NFATC1: variants seen among roughly 807,000 people sequenced by gnomAD.
NFATC1 encodes the protein nuclear factor of activated T cells 1, also known as nuclear factor of activated T-cells, cytoplasmic 1.
In NFATC1, 22 loss-of-function variants were observed where a neutral mutation model predicts 76.0. That is an observed-to-expected ratio of 0.29 (90% CI 0.21 to 0.41). The LOEUF is 0.41. Among genes scored for constraint, NFATC1 ranks in the 10% least tolerant of loss-of-function variants. NFATC1 has a pLI of 1.00. For synonymous variants in NFATC1, 704 were observed against 613.1 expected (o/e 1.15, Z -2.19); for missense variants, 1,357 against 1,337.7 (o/e 1.01, Z -0.23).
At chr18:79,473,767 C>T (rs1286028062) in intron 8 of NFATC1, among the ~76,000 whole-genome samples, 5 of 148,282 alleles carry the variant, frequency 3.4e-5, no homozygotes, top group African/African-American at 1.3e-4. Context: ...AGTGTATTCT[C>T]ACGCTGTCGA....
intron 9 of NFATC1, among the ~76,000 whole-genome samples, chr18:79,490,706 C>G (rs982845396): frequency 6.6e-6 from 1 of 152,126 alleles, no homozygotes; most frequent in Non-Finnish European, 1.5e-5. Flanking sequence ...TGGATGGAGC[C>G]GTAGATGGGT....
At chr18:79,407,487 CCAGGCTGGAGTG>C (rs1489460853) in intron 1 of NFATC1, among the ~76,000 whole-genome samples, 1 of 152,186 alleles carries the variant, frequency 6.6e-6, no homozygotes, top group African/African-American at 2.4e-5. Context: ...GCTGTGTCGC[CCAGGCTGGAGTG>C]CAGGCTGGAG....
At chr18:79,515,517 C>G (rs371076266) in intron 9 of NFATC1, among the ~76,000 whole-genome samples, 1 of 151,816 alleles carries the variant, frequency 6.6e-6, no homozygotes, top group Admixed American at 6.6e-5. Context: ...GCAGCCTGGC[C>G]GGGGACCAGG....
intron 2 of NFATC1, among the ~76,000 whole-genome samples, chr18:79,429,605 G>A (rs2086520313): frequency 1.3e-5 from 2 of 152,178 alleles, no homozygotes; most frequent in South Asian, 4.1e-4. Flanking sequence ...GGGGTGGAGA[G>A]CAGGCAGCAG....
At chr18:79,467,346 G>T in intron 7 of NFATC1, 104 bp from the exon 8 acceptor site, 1 of 1,160,426 alleles carries the variant, frequency 8.6e-7, no homozygotes, top group Middle Eastern at 3.0e-4. Context: ...CGGGGTTGCC[G>T]TGTGGCCGCC....
At chr18:79,527,489 T>C (rs1318652609) in intron 9 of NFATC1, 39 bp from the exon 10 acceptor site, 1 of 1,551,726 alleles carries the variant, frequency 6.4e-7, no homozygotes, top group Non-Finnish European at 8.9e-7. Flanking sequence ...ATGTTTATGG[T>C]ATTTCTCTAA....
In NFATC1 at chr18:79,437,147, C is replaced by T. The variant is rs1039088538; in HGVS notation, c.1386+3409C>T. Among the ~76,000 whole-genome samples the T allele has an allele frequency of 3.9e-5, 6 of 152,322 alleles. No individual in the cohort carries two copies. The South Asian group carries it at 6.2e-4, about 16-fold the overall frequency. On this transcript the variant is annotated intron_variant, in intron 3 of 9. Transcript: ENST00000427363. ...GTCCCTGCGGGGTCTGGCGGGACCT[C>T]GGCCATGGTGATGGGTGCGCCCCCT...
chr18:79,470,032 C>T, intron 8 of NFATC1: 4 of 984,066 alleles, frequency 4.1e-6, no homozygotes, highest in Non-Finnish European at 4.8e-6. Context: ...TATCCGTGTT[C>T]CGTCCCGCGT....
chr18:79,440,224 T>C (rs1021626995), intron 3 of NFATC1, among the ~76,000 whole-genome samples: 5 of 152,108 alleles, frequency 3.3e-5, no homozygotes, highest in African/African-American at 9.7e-5. Context: ...TTTGGGAAAA[T>C]TTAAGATGAC....
At chr18:79,467,057 T>TGGCTTCTTTCCCC (rs950708086) in intron 7 of NFATC1, among the ~76,000 whole-genome samples, 3 of 152,264 alleles carry the variant, frequency 2.0e-5, no homozygotes, top group African/African-American at 7.2e-5. Context: ...TCTCTTTTCC[T>TGGCTTCTTTCCCC]GGCTTCTTTC....
chr18:79,444,119 G>A lies in NFATC1; in HGVS notation c.1387-4663G>A, dbSNP rs2087095161. Among the ~76,000 whole-genome samples the A allele has an allele frequency of 2.0e-5, 3 of 152,162 alleles. No individual in the cohort carries two copies. In the South Asian group the frequency reaches 6.2e-4, roughly 31 times the overall value. On this transcript the variant is annotated intron_variant, in intron 3 of 9. Transcript: ENST00000427363. ...CAGGTAGAAATAAAACCTGAAATGA[G>A]AAAAAAACTTTTTTCTAGAACTTCC...
At chr18:79,463,481 C>T (rs57680512) in intron 7 of NFATC1, among the ~76,000 whole-genome samples, 453 of 92,176 alleles carry the variant, frequency 4.9e-3, no homozygotes, top group Non-Finnish European at 6.9e-3. Flanking sequence ...CCCCACAGCC[C>T]GTTCCCGTGT....
intron 6 of NFATC1, among the ~76,000 whole-genome samples, chr18:79,455,372 C>G (rs1312996755): frequency 6.8e-6 from 1 of 147,348 alleles, no homozygotes; most frequent in Non-Finnish European, 1.5e-5. Flanking sequence ...CAGCTGGGGC[C>G]TGGACGGCCG....
intron 3 of NFATC1, chr18:79,448,476 C>T (rs2087312558): frequency 9.5e-6 from 4 of 421,610 alleles, no homozygotes; most frequent in Admixed American, 4.2e-5. Flanking sequence ...GCGAGGGCTC[C>T]GCTTTCCTGC....
intron 6 of NFATC1, among the ~76,000 whole-genome samples, chr18:79,454,894 C>G (rs2087619878): frequency 6.6e-6 from 1 of 152,196 alleles, no homozygotes; most frequent in Non-Finnish European, 1.5e-5. Context: ...ACCTTCACAC[C>G]TGCACCCCTC....
intron 8 of NFATC1, among the ~76,000 whole-genome samples, chr18:79,475,251 TCGA>T (rs1170972253): frequency 1.3e-5 from 2 of 148,668 alleles, no homozygotes; most frequent in East Asian, 4.1e-4. Flanking sequence ...ACGCTCACCG[TCGA>T]CGTTGTAAAC....
chr18:79,463,545 C>T (rs2088257323), intron 7 of NFATC1, among the ~76,000 whole-genome samples: 1 of 152,256 alleles, frequency 6.6e-6, no homozygotes, highest in Admixed American at 6.5e-5. Context: ...AGGTCTGTGG[C>T]TCCCCGCTGG....
At chr18:79,473,026 G>C (rs568257662) in intron 8 of NFATC1, among the ~76,000 whole-genome samples, 79 of 152,248 alleles carry the variant, frequency 5.2e-4, no homozygotes, top group Non-Finnish European at 7.8e-4. Flanking sequence ...TGCAGCTTGT[G>C]GGGGTCAAGC....
rs371070613 is a variant in NFATC1 at position 79,475,365 on chromosome 18, C to T, written c.2092+7783C>T. Reference sequence around the variant, plus strand: ...ACGTTGTGAGGGAAGGGTGTTTTCACGCTCACTGTCGACGTTGCGAGGGAA... The same window carrying T: ...ACGTTGTGAGGGAAGGGTGTTTTCATGCTCACTGTCGACGTTGCGAGGGAA... On this transcript the variant is annotated intron_variant, in intron 8 of 9. Transcript: ENST00000427363. 5.3e-5 allele frequency among the ~76,000 whole-genome samples: 8 copies of T among 149,842 alleles called. No homozygotes were observed. In the South Asian group the frequency reaches 6.3e-4, roughly 12 times the overall value.
Sources: allele counts gnomAD v4.1 joint callset (sites outside exome capture counted in the v4.1 genomes callset), GRCh38; gene constraint gnomAD v4.1.1; transcripts MANE v1.5; gene names NCBI Gene and HGNC (gene_info 2026-07-23, HGNC 2026-07-21).